The following NDUFS4 variants were observed in gnomAD, a reference collection of about 807,000 sequenced individuals.
NDUFS4 encodes the protein NADH:ubiquinone oxidoreductase subunit S4.
A neutral mutation model predicts 24.3 loss-of-function variants in NDUFS4; 28 were observed. That is an observed-to-expected ratio of 1.15 (90% CI 0.85 to 1.58). The LOEUF (loss-of-function observed/expected upper bound fraction) is 1.58, where lower values mean the gene tolerates loss of function less well. Among genes scored for constraint, NDUFS4 ranks in the 40% most tolerant of loss-of-function variants. The pLI is 0.00. For missense variants in NDUFS4, 223 were observed against 207.9 expected (o/e 1.07, Z -0.45); for synonymous variants, 93 against 69.7 (o/e 1.34, Z -1.67).
chr5:53,652,246 C>T (rs1287149724), intron 3 of NDUFS4, among the ~76,000 whole-genome samples: 1 of 151,698 alleles, frequency 6.6e-6, no homozygotes, highest in Non-Finnish European at 1.5e-5. Flanking sequence ...TTTTTATATA[C>T]CTTTGGAAGG....
intron 2 of NDUFS4, among the ~76,000 whole-genome samples, chr5:53,614,809 C>T (rs1292975945): frequency 6.6e-6 from 1 of 151,834 alleles, no homozygotes; most frequent in East Asian, 1.9e-4. Flanking sequence ...ATTTAAAATT[C>T]TTGCATGTTA....
chr5:53,624,680 A>G (rs979302334), intron 2 of NDUFS4, among the ~76,000 whole-genome samples: 15 of 152,000 alleles, frequency 9.9e-5, no homozygotes, highest in African/African-American at 3.6e-4. Context: ...TATTGATTTT[A>G]TATTTGCAAC....
Position 53,560,677 on chromosome 5 carries a change from A to G in NDUFS4, c.15A>G (p.Ser5=), listed in dbSNP as rs936926115. Residue 5 remains serine (S), a synonymous_variant, in exon 1 of 5, where the codon TCA becomes TCG. Coordinates refer to ENST00000296684, the MANE Select transcript of NDUFS4 (RefSeq NM_002495.4). ...CCTGCAGCAAGATGGCGGCGGTGTC[A>G]ATGTCAGTGGTACTGAGGCAGACGT... The part of the protein sequence containing the change: MAAV[S]MSVVLRQTLW... 4 of 1,614,234 alleles carry G rather than the reference A, an allele frequency of 2.5e-6. No individual in the cohort carries two copies. Among genetic ancestry groups the G allele is most frequent in the African/African-American group, 1.3e-5 (1 of 75,060 alleles).
intron 2 of NDUFS4, among the ~76,000 whole-genome samples, chr5:53,622,628 AAACATTCAGTTCAT>A (rs1237877355): frequency 6.6e-6 from 1 of 152,210 alleles, no homozygotes; most frequent in African/African-American, 2.4e-5. Context: ...GGGAGAATAC[AAACATTCAGTTCAT>A]AACAGACCTT....
intron 4 of NDUFS4, among the ~76,000 whole-genome samples, chr5:53,675,557 C>CATTG (rs1301001985): frequency 1.3e-5 from 2 of 151,938 alleles, no homozygotes; most frequent in African/African-American, 4.8e-5. Context: ...TCTATACAGA[C>CATTG]ATTGATAGAC....
intron 2 of NDUFS4, among the ~76,000 whole-genome samples, chr5:53,609,196 A>G (rs969927584): frequency 1.3e-5 from 2 of 152,226 alleles, no homozygotes; most frequent in Non-Finnish European, 2.9e-5. Context: ...GTTCAGATCC[A>G]TCAGAGGAAT....
intron 1 of NDUFS4, among the ~76,000 whole-genome samples, chr5:53,585,567 A>G (rs1046836088): frequency 1.2e-4 from 18 of 151,570 alleles, no homozygotes; most frequent in Admixed American, 2.0e-4. Context: ...ACATGGAGAA[A>G]CCCCTTCTCT....
At chr5:53,602,740 T>C in intron 1 of NDUFS4, among the ~76,000 whole-genome samples, 1 of 152,304 alleles carries the variant, frequency 6.6e-6, no homozygotes, top group African/African-American at 2.4e-5. Flanking sequence ...TGGAAAACTC[T>C]TAAGATGCTA....
At chr5:53,628,092 G>T (rs1002687030) in intron 2 of NDUFS4, among the ~76,000 whole-genome samples, 1 of 152,098 alleles carries the variant, frequency 6.6e-6, no homozygotes, top group Non-Finnish European at 1.5e-5. Flanking sequence ...TAGCATGAAG[G>T]GCTGTTGAAT....
chr5:53,634,417 G>A (rs1465095983), intron 2 of NDUFS4, among the ~76,000 whole-genome samples: 1 of 152,036 alleles, frequency 6.6e-6, no homozygotes, highest in Admixed American at 6.5e-5. Flanking sequence ...GTTTATTTAA[G>A]AATTATTTCA....
chr5:53,648,803 T>C (rs1339790594), intron 3 of NDUFS4, among the ~76,000 whole-genome samples: 3 of 152,196 alleles, frequency 2.0e-5, no homozygotes, highest in Non-Finnish European at 4.4e-5. Context: ...ATGCTGAGGA[T>C]TAAAAGCCCC....
At chr5:53,598,214 T>C (rs1750189657) in intron 1 of NDUFS4, among the ~76,000 whole-genome samples, 2 of 152,142 alleles carry the variant, frequency 1.3e-5, no homozygotes, top group Non-Finnish European at 2.9e-5. Flanking sequence ...AGCTAAAACA[T>C]AGTCTTAACG....
At chr5:53,637,901 G>A (rs928352588) in intron 2 of NDUFS4, among the ~76,000 whole-genome samples, 1 of 152,096 alleles carries the variant, frequency 6.6e-6, no homozygotes, top group Non-Finnish European at 1.5e-5. Context: ...AGGCAACTTA[G>A]ACTATTGCTC....
chr5:53,624,535 T>C (rs1382434967), intron 2 of NDUFS4, among the ~76,000 whole-genome samples: 1 of 152,212 alleles, frequency 6.6e-6, no homozygotes, highest in East Asian at 1.9e-4. Context: ...CGGTTTTCAG[T>C]GTACAAATCT....
At chr5:53,670,457 T>G (rs1415630145) in intron 4 of NDUFS4, among the ~76,000 whole-genome samples, 1 of 152,050 alleles carries the variant, frequency 6.6e-6, no homozygotes, top group Non-Finnish European at 1.5e-5. Flanking sequence ...ATCTCAATTT[T>G]TATTACATGA....
intron 1 of NDUFS4, among the ~76,000 whole-genome samples, chr5:53,580,647 TTC>T (rs559474934): frequency 1.2e-3 from 183 of 148,244 alleles, no homozygotes; most frequent in African/African-American, 4.1e-3. Context: ...CTTATTTATT[TTC>T]TTTCTTTCTT....
intron 4 of NDUFS4, 65 bp from the exon 5 acceptor site, chr5:53,683,053 C>T (rs1302753661): frequency 2.9e-6 from 3 of 1,042,978 alleles, no homozygotes; most frequent in African/African-American, 1.6e-5. Flanking sequence ...CCTCTGCTTG[C>T]TGTGCTTTTC....
intron 4 of NDUFS4, among the ~76,000 whole-genome samples, chr5:53,682,209 G>A (rs1740689827): frequency 2.0e-5 from 3 of 152,096 alleles, no homozygotes; most frequent in Non-Finnish European, 4.4e-5. Flanking sequence ...GGAGGAGGAT[G>A]TTGATTTGTT....
rs551173523 is a variant in NDUFS4, at chr5:53,658,573, G to C, written c.373G>C (p.Val125Leu). Residue 125 changes from valine to leucine, a missense_variant, in exon 4 of 5, where the codon GTT becomes CTT. Val to Leu is a conservative substitution (Grantham distance 32). Coordinates refer to ENST00000296684, the MANE Select transcript of NDUFS4 (RefSeq NM_002495.4). ...CAGGGCTGATCCCTTATCCAACATG[G>C]TTCTAACCTTCAGTACTAAAGAAGA... The part of the protein sequence containing the change: ...ASTADPLSNM[V>L]LTFSTKEDAV... 1 of 1,613,194 alleles carries C rather than the reference G, an allele frequency of 6.2e-7. No homozygotes were observed. The highest frequency in any genetic ancestry group is 8.5e-7 in the Non-Finnish European group (1 of 1,179,618).
Sources: gnomAD v4.1 joint callset for allele counts (sites outside exome capture counted in the v4.1 genomes callset) on GRCh38, gnomAD v4.1.1 for gene constraint, MANE v1.5 for transcripts, NCBI Gene and HGNC (gene_info 2026-07-23, HGNC 2026-07-21) for gene names.